PIAS1: variants seen among roughly 807,000 people sequenced by gnomAD.
PIAS1 encodes E3 SUMO-protein ligase PIAS1.
PIAS1 carries 6 observed loss-of-function variants against 71.3 expected under a neutral mutation model. The ratio of observed to expected loss-of-function variants is 0.08; its 90% confidence interval spans 0.05 to 0.17. The LOEUF (loss-of-function observed/expected upper bound fraction) is 0.17. PIAS1 is among the 10% of genes least tolerant of loss of function. The pLI is 1.00. For synonymous variants in PIAS1, 303 were observed against 292.9 expected (o/e 1.03, Z -0.35); for missense variants, 555 against 793.6 (o/e 0.70, Z 3.61).
intron 2 of PIAS1, among the ~76,000 whole-genome samples, chr15:68,119,276 T>C: frequency 8.0e-6 from 1 of 124,714 alleles, no homozygotes; most frequent in African/African-American, 3.2e-5. Flanking sequence ...TATATATATA[T>C]GTACACATAC....
rs1047932111 is a variant in PIAS1, at chr15:68,186,144, C to T, written c.1663-1398C>T. ...ACACCTCCTTAAGAAGAGCCTCAGG[C>T]AGGTCCTTCAGTGGGTGTTCCAGAA... On this transcript the variant is annotated intron_variant, in intron 13 of 13. Transcript: ENST00000249636. This position sits in a 1 kb window ranked among gnomAD's most constrained non-coding sequence, Gnocchi z 4.4. Among the ~76,000 whole-genome samples, 8 of 152,176 alleles carry T rather than the reference C, an allele frequency of 5.3e-5. No homozygotes were observed. The highest frequency in any genetic ancestry group is 4.6e-4 in the Admixed American group (7 of 15,278).
intron 2 of PIAS1, among the ~76,000 whole-genome samples, chr15:68,100,196 C>T (rs58986284): frequency 0.021 from 3,137 of 152,076 alleles, 103 homozygotes; most frequent in African/African-American, 0.073. Context: ...TTAACCTAGC[C>T]TTCTCCATTG....
intron 7 of PIAS1, among the ~76,000 whole-genome samples, chr15:68,158,414 T>C (rs1052612885): frequency 9.8e-5 from 15 of 152,300 alleles, no homozygotes; most frequent in African/African-American, 3.4e-4. Context: ...TTTGTTTCAC[T>C]TTTTTCCAGG....
At chr15:68,116,315 G>A (rs1243236242) in intron 2 of PIAS1, among the ~76,000 whole-genome samples, 1 of 151,640 alleles carries the variant, frequency 6.6e-6, no homozygotes, top group Non-Finnish European at 1.5e-5. Context: ...AGTAAACTTT[G>A]GTAGTTTTTT....
At chr15:68,080,501 C>T (rs79969744) in intron 1 of PIAS1, among the ~76,000 whole-genome samples, 2 of 152,142 alleles carry the variant, frequency 1.3e-5, no homozygotes, top group Non-Finnish European at 2.9e-5. Context: ...AGTATGTAAC[C>T]AACCTGATTT....
At chr15:68,154,648 T>C (rs893425556) in intron 7 of PIAS1, among the ~76,000 whole-genome samples, 3 of 152,238 alleles carry the variant, frequency 2.0e-5, no homozygotes, top group Admixed American at 2.0e-4. Context: ...TGAATATCAA[T>C]ATACCCTTAA....
At chr15:68,077,747 T>C (rs1412104242) in intron 1 of PIAS1, among the ~76,000 whole-genome samples, 1 of 152,236 alleles carries the variant, frequency 6.6e-6, no homozygotes, top group African/African-American at 2.4e-5. Flanking sequence ...CATGTAGCAT[T>C]GTGTGGACAT....
intron 7 of PIAS1, among the ~76,000 whole-genome samples, chr15:68,161,365 T>G (rs2092922976): frequency 6.6e-6 from 1 of 152,178 alleles, no homozygotes; most frequent in Admixed American, 6.5e-5. Flanking sequence ...TGTATGTCAG[T>G]TCTCCAAATT....
chr15:68,068,793 G>A (rs113233594), intron 1 of PIAS1, among the ~76,000 whole-genome samples: 3,303 of 151,660 alleles, frequency 0.022, 117 homozygotes, highest in African/African-American at 0.075. Context: ...ATGTGTCAAT[G>A]CTCTCATCCA....
rs887865294 is a variant in PIAS1 at position 68,173,382 on chromosome 15, C to A, written c.1009-350C>A. 6.6e-6 allele frequency among the ~76,000 whole-genome samples: 1 copy of A among 151,580 alleles called. No homozygotes were observed. The highest frequency in any genetic ancestry group is 2.4e-5 in the African/African-American group (1 of 41,266). On this transcript the variant is annotated intron_variant, in intron 8 of 13. Transcript: ENST00000249636. This position sits in a 1 kb window ranked among gnomAD's most constrained non-coding sequence, Gnocchi z 4.3. ...ACCCCATCTGTTTAAAAAAAAAAAA[C>A]TGGTGAAAGCACTCTCTCCAGAAAA...
Position 68,153,626 on chromosome 15 carries a change from T to C in PIAS1, c.865T>C (p.Ser289Pro). Residue 289 changes from serine to proline, a missense_variant, in exon 7 of 14, where the codon TCC becomes CCC. Transcript: ENST00000249636. The stretch of plus-strand genomic sequence containing the variant: ...GGCAGTATATCTTGTAAAACAGTTG[T>C]CCTCAACAGTTCTTCTTCAGAGGTT... ...SMAVYLVKQL[S>P]STVLLQRLRA... 1 of 1,593,588 alleles carries C rather than the reference T, an allele frequency of 6.3e-7. No individual in the cohort carries two copies. Among genetic ancestry groups the C allele is most frequent in the East Asian group, 2.2e-5 (1 of 44,638 alleles).
intron 1 of PIAS1, among the ~76,000 whole-genome samples, chr15:68,062,009 T>C (rs564752059): frequency 6.6e-6 from 1 of 152,170 alleles, no homozygotes; most frequent in Non-Finnish European, 1.5e-5. Flanking sequence ...GATGAACAAA[T>C]TATGTTTAAG....
intron 2 of PIAS1, among the ~76,000 whole-genome samples, chr15:68,099,283 A>T (rs2092403868): frequency 6.7e-6 from 1 of 149,354 alleles, no homozygotes; most frequent in African/African-American, 2.5e-5. Flanking sequence ...TACTCTTCAA[A>T]GTTCCTTGAG....
intron 8 of PIAS1, among the ~76,000 whole-genome samples, chr15:68,166,149 T>TA (rs2141080049): frequency 6.6e-6 from 1 of 152,282 alleles, no homozygotes; most frequent in African/African-American, 2.4e-5. Context: ...TATCATTGTG[T>TA]ATATATCTTT....
chr15:68,134,537 A>G (rs2092707234), intron 2 of PIAS1, among the ~76,000 whole-genome samples: 1 of 40,364 alleles, frequency 2.5e-5, no homozygotes, highest in African/African-American at 5.2e-5. Flanking sequence ...GGCCGGGCAG[A>G]GGGGATCCTC....
Position 68,167,048 on chromosome 15 carries a change from G to C in PIAS1, c.1008+2244G>C, listed in dbSNP as rs1440416227. Among the ~76,000 whole-genome samples, 5 of 152,066 alleles carry C rather than the reference G, an allele frequency of 3.3e-5. No homozygotes were observed. Among genetic ancestry groups the C allele is most frequent in the African/African-American group, 1.2e-4 (5 of 41,420 alleles). ...TGATATGTTGCCCAGGCTGGTCATGGACTCCTGGCCTCAAGCAATCCTCCT... is the reference window on the plus strand; with the variant it reads ...TGATATGTTGCCCAGGCTGGTCATGCACTCCTGGCCTCAAGCAATCCTCCT... On this transcript the variant is annotated intron_variant, in intron 8 of 13. Transcript: ENST00000249636. This position sits in a 1 kb window ranked among gnomAD's most constrained non-coding sequence, Gnocchi z 4.4.
At chr15:68,172,416 T>C (rs2092997364) in intron 8 of PIAS1, among the ~76,000 whole-genome samples, 1 of 152,214 alleles carries the variant, frequency 6.6e-6, no homozygotes, top group African/African-American at 2.4e-5. Context: ...TTTATAATAA[T>C]CCTTTGGGTA....
At chr15:68,165,409 C>A (rs1414513598) in intron 8 of PIAS1, among the ~76,000 whole-genome samples, 1 of 152,178 alleles carries the variant, frequency 6.6e-6, no homozygotes, top group African/African-American at 2.4e-5. Context: ...GTGTGACCCA[C>A]CGCACCTGGC....
intron 2 of PIAS1, among the ~76,000 whole-genome samples, chr15:68,127,660 C>G (rs1377437531): frequency 1.3e-5 from 2 of 152,108 alleles, no homozygotes; most frequent in Non-Finnish European, 2.9e-5. Context: ...TCTTTACTGA[C>G]CTTTTATTGG....
Sources: allele counts gnomAD v4.1 joint callset (sites outside exome capture counted in the v4.1 genomes callset), GRCh38; gene constraint gnomAD v4.1.1; non-coding constraint Gnocchi (gnomAD v3.1); transcripts MANE v1.5; gene names NCBI Gene and HGNC (gene_info 2026-07-23, HGNC 2026-07-21).